TFCP2: variants seen among roughly 807,000 people sequenced by gnomAD.
TFCP2 encodes the protein alpha-globin transcription factor CP2.
A neutral mutation model predicts 73.4 loss-of-function variants in TFCP2; 33 were observed. That is an observed-to-expected ratio of 0.45 (90% CI 0.34 to 0.60). The LOEUF (loss-of-function observed/expected upper bound fraction) is 0.60. Ranked by LOEUF, TFCP2 falls within the 20% of genes least tolerant of loss-of-function variation. The pLI is 0.01. For synonymous variants in TFCP2, 193 were observed against 211.6 expected, an observed-to-expected ratio of 0.91 and a Z score of 0.76; for missense variants, 352 against 604.0, an observed-to-expected ratio of 0.58 and a Z score of 4.37.
chr12:51,147,455 G>C (rs528454030), intron 1 of TFCP2, among the ~76,000 whole-genome samples: 1 of 152,150 alleles, frequency 6.6e-6, no homozygotes, highest in Non-Finnish European at 1.5e-5. Context: ...GAGGCATAGT[G>C]AGAGTCGACT....
intron 1 of TFCP2, among the ~76,000 whole-genome samples, chr12:51,122,457 C>T (rs1272016288): frequency 6.6e-6 from 1 of 151,840 alleles, no homozygotes; most frequent in Non-Finnish European, 1.5e-5. Context: ...CAGGGTTTCA[C>T]CATGTTGGCC....
chr12:51,107,480 T>C, intron 6 of TFCP2, 134 bp from the exon 7 acceptor site: 1 of 692,532 alleles, frequency 1.4e-6, no homozygotes, highest in Non-Finnish European at 2.5e-6. Flanking sequence ...CACATCACTT[T>C]AAGTTTGAAA....
chr12:51,124,257 G>T lies in TFCP2; in HGVS notation c.123-5485C>A, dbSNP rs116279171. Reference sequence around the variant, plus strand: ...ACTACAGGTATGCACCACCATGTCTGGCTAATTCTTAAATTTTTTGTAGAG... The same window carrying T: ...ACTACAGGTATGCACCACCATGTCTTGCTAATTCTTAAATTTTTTGTAGAG... On this transcript the variant is annotated intron_variant, in intron 1 of 14. Transcript: ENST00000257915. Among the ~76,000 whole-genome samples the T allele has an allele frequency of 1.3e-3, 196 of 152,052 alleles. 1 individual carries two copies. The highest frequency in any genetic ancestry group is 4.6e-3 in the African/African-American group (189 of 41,474).
intron 1 of TFCP2, among the ~76,000 whole-genome samples, chr12:51,154,431 C>T (rs1192478307): frequency 3.9e-5 from 6 of 152,196 alleles, no homozygotes; most frequent in East Asian, 1.9e-4. Context: ...CAGTGGCTCA[C>T]GCCGGTAATC....
chr12:51,098,087 G>C (rs1233927881), intron 13 of TFCP2, among the ~76,000 whole-genome samples: 2 of 151,238 alleles, frequency 1.3e-5, no homozygotes, highest in East Asian at 1.9e-4. Flanking sequence ...AGGAAACAGA[G>C]GAATAGTATA....
intron 1 of TFCP2, among the ~76,000 whole-genome samples, chr12:51,129,459 G>A (rs1940891334): frequency 6.7e-6 from 1 of 149,898 alleles, no homozygotes; most frequent in African/African-American, 2.5e-5. Context: ...GTTGCAGTGA[G>A]CCGAGATCGT....
intron 14 of TFCP2, among the ~76,000 whole-genome samples, chr12:51,095,568 A>T (rs1939937994): frequency 6.6e-6 from 1 of 152,150 alleles, no homozygotes; most frequent in Non-Finnish European, 1.5e-5. Context: ...TAATCCCAGC[A>T]CTTTGGGAGG....
At chr12:51,125,907 T>C (rs1408972189) in intron 1 of TFCP2, among the ~76,000 whole-genome samples, 5 of 151,460 alleles carry the variant, frequency 3.3e-5, no homozygotes, top group Non-Finnish European at 7.4e-5. Flanking sequence ...ACCATCCTGG[T>C]CAACATGGTG....
rs150344781 is a variant in TFCP2, at chr12:51,098,988, G to C, written c.1277-70C>G. 339 of 1,523,204 alleles carry C rather than the reference G, an allele frequency of 2.2e-4. 1 individual carries two copies. The African/African-American group carries it at 4.2e-3, about 19-fold the overall frequency. The allele number at this position is 1,523,204 out of a possible 1,614,324, so 94.4% of individuals were successfully genotyped here. On this transcript the variant is annotated intron_variant, in intron 12 of 14. Coordinates refer to ENST00000257915, the MANE Select transcript of TFCP2 (RefSeq NM_005653.5). ...ACTCTTACAGGTAACTTGATCACTA[G>C]GAATGCCCACTTTTCTGAAGGACTC... is the stretch of plus-strand genomic sequence containing the variant.
intron 1 of TFCP2, among the ~76,000 whole-genome samples, chr12:51,157,366 A>C (rs901873165): frequency 6.6e-6 from 1 of 152,074 alleles, no homozygotes; most frequent in African/African-American, 2.4e-5. Flanking sequence ...CCCTAGGTAG[A>C]ATGCCGTGGA....
chr12:51,104,192 G>A lies in TFCP2; in HGVS notation c.929C>T (p.Pro310Leu). 6.2e-7 allele frequency: 1 copy of A among 1,613,826 alleles called. No homozygotes were observed. The highest frequency in any genetic ancestry group is 8.5e-7 in the Non-Finnish European group (1 of 1,179,926). The change falls in exon 9 of 15, where the codon CCA becomes CTA. Residue 310 changes from proline to leucine, a missense_variant. Pro to Leu is a moderately conservative substitution (Grantham distance 98). Coordinates refer to ENST00000257915, the MANE Select transcript of TFCP2 (RefSeq NM_005653.5). ...AGGGGGTGGCTCTGGCTGGTGGTTT[G>A]GTGAACCATTTCTAAAGAAACATTT... ...SFSLGEGNGS[P>L]NHQPEPPPPV...
chr12:51,170,340 TTTC>T (rs1015509593), intron 1 of TFCP2, among the ~76,000 whole-genome samples: 34 of 127,352 alleles, frequency 2.7e-4, no homozygotes, highest in Non-Finnish European at 4.7e-4. Context: ...TTTTAAAATC[TTTC>T]TTTTTTTTTA....
At chr12:51,095,670 C>T (rs964333688) in intron 14 of TFCP2, among the ~76,000 whole-genome samples, 2 of 151,740 alleles carry the variant, frequency 1.3e-5, no homozygotes, top group African/African-American at 4.8e-5. Flanking sequence ...AAAAATTAGC[C>T]AGACATGGTG....
intron 1 of TFCP2, among the ~76,000 whole-genome samples, chr12:51,154,287 T>C (rs917782090): frequency 2.6e-5 from 4 of 152,204 alleles, no homozygotes; most frequent in African/African-American, 7.2e-5. Flanking sequence ...AAACCCCGTA[T>C]AGTGTGTTTT....
chr12:51,095,378 G>T, intron 14 of TFCP2, 100 bp from the exon 15 acceptor site: 1 of 1,295,772 alleles, frequency 7.7e-7, no homozygotes, highest in Non-Finnish European at 1.1e-6. Context: ...GGGGAGAAAA[G>T]GGAGGTGGAG....
At chr12:51,131,221 G>A (rs566414000) in intron 1 of TFCP2, among the ~76,000 whole-genome samples, 99 of 149,386 alleles carry the variant, frequency 6.6e-4, no homozygotes, top group African/African-American at 2.4e-3. Flanking sequence ...TGTAGTCCCA[G>A]CTACTAGGGA....
At chr12:51,161,037 T>C (rs1442238235) in intron 1 of TFCP2, among the ~76,000 whole-genome samples, 1 of 152,190 alleles carries the variant, frequency 6.6e-6, no homozygotes, top group African/African-American at 2.4e-5. Flanking sequence ...CTAGTGGCAC[T>C]AGACAAGTGA....
chr12:51,166,369 G>A (rs952353147), intron 1 of TFCP2, among the ~76,000 whole-genome samples: 1 of 151,690 alleles, frequency 6.6e-6, no homozygotes, highest in Non-Finnish European at 1.5e-5. Context: ...TCTGTGAACA[G>A]CCTGGGCAAC....
chr12:51,114,537 G>A lies in TFCP2; in HGVS notation c.457+1778C>T, dbSNP rs377449819. ...GGAAAATCGCTTGAACCCGGGAGGT[G>A]GAAGTTGTAGTAAGCCAAGATCATG... On this transcript the variant is annotated intron_variant, in intron 4 of 14. Transcript: ENST00000257915. 2.2e-4 allele frequency among the ~76,000 whole-genome samples: 33 copies of A among 152,050 alleles called. 1 individual carries two copies. In the South Asian group the frequency reaches 6.4e-3, roughly 30 times the overall value.
Sources: allele counts gnomAD v4.1 joint callset (sites outside exome capture counted in the v4.1 genomes callset), GRCh38; gene constraint gnomAD v4.1.1; transcripts MANE v1.5; gene names NCBI Gene and HGNC (gene_info 2026-07-23, HGNC 2026-07-21).